SYNJ2: variants seen among roughly 807,000 people sequenced by gnomAD.
The protein encoded by SYNJ2 is polyphosphatidylinositol phosphatase SYNJ2.
In SYNJ2, 116 loss-of-function variants were observed where a neutral mutation model predicts 141.3. That is an observed-to-expected ratio of 0.82 (90% CI 0.71 to 0.96). SYNJ2 has a LOEUF of 0.96. Ranked by LOEUF, SYNJ2 falls within the 40% of genes least tolerant of loss-of-function variation. The pLI is 0.00. For synonymous variants in SYNJ2, 745 were observed against 777.7 expected, an observed-to-expected ratio of 0.96 and a Z score of 0.70; for missense variants, 1,873 against 1,934.8, an observed-to-expected ratio of 0.97 and a Z score of 0.60.
At chr6:157,990,797 G>A (rs1777394226) in intron 1 of SYNJ2, among the ~76,000 whole-genome samples, 1 of 152,146 alleles carries the variant, frequency 6.6e-6, no homozygotes, top group Admixed American at 6.5e-5. Flanking sequence ...CCCGGAAGAG[G>A]CAAATGACTT....
At chr6:158,048,038 T>C (rs1354923731) in intron 5 of SYNJ2, among the ~76,000 whole-genome samples, 1 of 152,078 alleles carries the variant, frequency 6.6e-6, no homozygotes, top group Non-Finnish European at 1.5e-5. Flanking sequence ...TCATCCCTCA[T>C]AGACTCATCG....
chr6:158,054,331 T>A (rs1267409176), intron 5 of SYNJ2, among the ~76,000 whole-genome samples: 1 of 152,206 alleles, frequency 6.6e-6, no homozygotes, highest in East Asian at 1.9e-4. Context: ...CTAGTTATCA[T>A]CAGTATAGAT....
At chr6:158,061,282 T>C (rs1283937383) in intron 7 of SYNJ2, among the ~76,000 whole-genome samples, 2 of 152,190 alleles carry the variant, frequency 1.3e-5, no homozygotes, top group Non-Finnish European at 2.9e-5. Context: ...CCGGGTGGCC[T>C]GGGTAGGCGG....
intron 22 of SYNJ2, among the ~76,000 whole-genome samples, chr6:158,086,197 G>A (rs893514143): frequency 6.6e-6 from 1 of 152,152 alleles, no homozygotes; most frequent in East Asian, 1.9e-4. Context: ...TGGGGTGTCC[G>A]AGTCAAAGTG....
At chr6:158,060,453 T>C (rs780166789) in intron 7 of SYNJ2, among the ~76,000 whole-genome samples, 2 of 152,226 alleles carry the variant, frequency 1.3e-5, no homozygotes, top group Non-Finnish European at 2.9e-5. Context: ...TCTCTCGTTG[T>C]TTAAAGCTCA....
chr6:158,071,873 C>G lies in SYNJ2; in HGVS notation c.2133+79C>G, dbSNP rs1331344046. The G allele has an allele frequency of 6.7e-7, 1 of 1,503,534 alleles. No homozygotes were observed. The highest frequency in any genetic ancestry group is 2.3e-5 in the East Asian group (1 of 43,404). The allele number at this position is 1,503,534 out of a possible 1,614,324, so 93.1% of individuals were successfully genotyped here. A position where few individuals can be genotyped will look rare whatever the true frequency, so the allele number is the denominator to read the frequency against. On this transcript the variant is annotated intron_variant, in intron 15 of 26. Transcript: ENST00000355585. This position sits in a 1 kb window ranked among gnomAD's most constrained non-coding sequence, Gnocchi z 4.3. ...TGTGACTGTTGATAGGAGCCAGGCA[C>G]TGGGGACACAACCACAGGGAGGGCC...
intron 15 of SYNJ2, among the ~76,000 whole-genome samples, chr6:158,073,656 A>T (rs991281127): frequency 6.6e-5 from 10 of 152,206 alleles, no homozygotes; most frequent in African/African-American, 2.2e-4. Context: ...CCTGCATCAG[A>T]TGGCACAGAG....
At chr6:158,052,749 G>C (rs908936205) in intron 5 of SYNJ2, among the ~76,000 whole-genome samples, 1 of 152,192 alleles carries the variant, frequency 6.6e-6, no homozygotes, top group Non-Finnish European at 1.5e-5. Context: ...ACGTTTTAAC[G>C]TGAGATTTGG....
chr6:158,056,430 G>A (rs1780873283), intron 6 of SYNJ2, among the ~76,000 whole-genome samples: 1 of 152,198 alleles, frequency 6.6e-6, no homozygotes, highest in South Asian at 2.1e-4. Context: ...TCTACAGGCA[G>A]CTACTGTGTC....
intron 1 of SYNJ2, among the ~76,000 whole-genome samples, chr6:158,010,619 GGATAT>G: frequency 6.6e-6 from 1 of 152,212 alleles, no homozygotes; most frequent in Non-Finnish European, 1.5e-5. Context: ...TCCTCCAAAA[GGATAT>G]GTTGAAGCCT....
At chr6:158,080,630 A>G (rs890001798) in intron 18 of SYNJ2, among the ~76,000 whole-genome samples, 3 of 152,058 alleles carry the variant, frequency 2.0e-5, no homozygotes, top group Admixed American at 1.3e-4. Context: ...CTAGGTGAAA[A>G]GAGATGAACA....
Position 158,098,868 on chromosome 6 carries a change from T to C in SYNJ2, c.*2504T>C, listed in dbSNP as rs1486498566. The C allele has an allele frequency of 6.6e-6, 1 of 152,254 alleles. No homozygotes were observed. Among genetic ancestry groups the C allele is most frequent in the Non-Finnish European group, 1.5e-5 (1 of 68,052 alleles). The allele number at this position is 152,254 out of a possible 1,614,324, so 9.4% of individuals were successfully genotyped here. ...CTTTTACATCACCATCTTCTCAGAC[T>C]TCTTGCCTATTCTTAAAATATGTTT... On this transcript the variant is annotated 3_prime_UTR_variant, in exon 27 of 27. Transcript: ENST00000355585.
At chr6:158,033,188 C>T (rs1038324563) in intron 3 of SYNJ2, among the ~76,000 whole-genome samples, 2 of 152,228 alleles carry the variant, frequency 1.3e-5, no homozygotes, top group African/African-American at 4.8e-5. Flanking sequence ...GCGACAGTGA[C>T]GACCTGGTAG....
chr6:158,096,051 A>G lies in SYNJ2; in HGVS notation c.4178A>G (p.Asp1393Gly). ...FLSTSSATSP[D>G]SDGTKAMKPE... Reference sequence around the variant, plus strand: ...AGCACTTCATCTGCTACAAGCCCCGACAGCGATGGCACCAAAGCGATGAAG... The same window carrying G: ...AGCACTTCATCTGCTACAAGCCCCGGCAGCGATGGCACCAAAGCGATGAAG... The change falls in exon 27 of 27, where the codon GAC becomes GGC. Residue 1393 changes from aspartate (D) to glycine (G), a missense_variant. Transcript: ENST00000355585. 2 of 1,614,222 alleles carry G rather than the reference A, an allele frequency of 1.2e-6. No individual in the cohort carries two copies. The highest frequency in any genetic ancestry group is 1.7e-6 in the Non-Finnish European group (2 of 1,180,028).
At chr6:158,076,225 T>C (rs1294516754) in intron 16 of SYNJ2, among the ~76,000 whole-genome samples, 5 of 152,138 alleles carry the variant, frequency 3.3e-5, no homozygotes, top group Non-Finnish European at 5.9e-5. Flanking sequence ...TCTGCGCTTC[T>C]ATGTACTTAG....
At chr6:158,091,269 T>C (rs1391303096) in intron 25 of SYNJ2, among the ~76,000 whole-genome samples, 3 of 151,480 alleles carry the variant, frequency 2.0e-5, no homozygotes, top group Non-Finnish European at 4.4e-5. Flanking sequence ...TGAGCCAAGA[T>C]TGCACCACTG....
Position 158,081,620 on chromosome 6 carries a change from TTTTTTTTTTTTTTTTC to T in SYNJ2, c.2865+112_2865+127del, listed in dbSNP as rs1410648972. 8.0e-5 allele frequency: 36 copies of T among 449,860 alleles called. 1 individual carries two copies. The African/African-American group carries it at 9.9e-4, about 12-fold the overall frequency. The allele number at this position is 449,860 out of a possible 1,614,324, so 27.9% of individuals were successfully genotyped here. On this transcript the variant is annotated intron_variant, in intron 20 of 26. Coordinates refer to ENST00000355585, the MANE Select transcript of SYNJ2 (RefSeq NM_003898.4). ...TGACCTGTGCCTTTTTTTTTTTTTTTTTTTTTTTTTTTTTTCTCTGAGACAAAGTCTTGCTCTGTCA... is the reference window on the plus strand; with the variant it reads ...TGACCTGTGCCTTTTTTTTTTTTTTTTCTGAGACAAAGTCTTGCTCTGTCA...
chr6:158,002,944 A>G (rs533598721), intron 1 of SYNJ2, among the ~76,000 whole-genome samples: 52 of 152,348 alleles, frequency 3.4e-4, no homozygotes, highest in African/African-American at 1.2e-3. Context: ...ACAAAGACTC[A>G]GTGGCCAGTC....
intron 1 of SYNJ2, among the ~76,000 whole-genome samples, chr6:158,014,880 C>T (rs1219091735): frequency 6.6e-6 from 1 of 152,236 alleles, no homozygotes; most frequent in African/African-American, 2.4e-5. Context: ...GTAGGAAGAG[C>T]TTCAGAGGGG....
Sources: allele counts gnomAD v4.1 joint callset (sites outside exome capture counted in the v4.1 genomes callset), GRCh38; gene constraint gnomAD v4.1.1; non-coding constraint Gnocchi (gnomAD v3.1); transcripts MANE v1.5; gene names NCBI Gene and HGNC (gene_info 2026-07-23, HGNC 2026-07-21).